Variants in HIGD1C observed in about 807,000 individuals in gnomAD.
HIGD1C encodes the protein HIG1 domain family member 1C.
HIGD1C carries 11 observed loss-of-function variants against 13.1 expected under a neutral mutation model. The ratio of observed to expected loss-of-function variants is 0.84; its 90% CI spans 0.53 to 1.39. The LOEUF (loss-of-function observed/expected upper bound fraction) is 1.39. Among genes scored for constraint, HIGD1C ranks in the 40% most tolerant of loss-of-function variants. The probability of loss-of-function intolerance (pLI) is 0.00; values close to 1 mark genes in which losing one functional copy is unlikely to be tolerated. For missense variants in HIGD1C, 110 were observed against 112.0 expected (o/e 0.98, Z 0.08); for synonymous variants, 36 against 37.7 (o/e 0.95, Z 0.17).
chr12:50,947,416 T>C, the HIGD1C span, among the ~76,000 whole-genome samples: 1 of 152,140 alleles, frequency 6.6e-6, no homozygotes, highest in African/African-American at 2.4e-5. Flanking sequence ...AGAGGCCACC[T>C]TCACTCCTTG....
chr12:50,970,523 G>C, downstream of HIGD1C: 1 of 1,474,028 alleles, frequency 6.8e-7, no homozygotes, highest in Non-Finnish European at 9.3e-7. Flanking sequence ...CATGCTGGAA[G>C]CAAGAAAGAC....
At chr12:50,957,247 G>A (rs1199086554) in intron 1 of HIGD1C, among the ~76,000 whole-genome samples, 1 of 150,586 alleles carries the variant, frequency 6.6e-6, no homozygotes, top group African/African-American at 2.4e-5. Context: ...GTTTCCCTCT[G>A]TCGCCCAGGC....
At chr12:50,952,761 C>T (rs958118056), upstream of HIGD1C, among the ~76,000 whole-genome samples, 1 of 152,224 alleles carries the variant, frequency 6.6e-6, no homozygotes, top group Non-Finnish European at 1.5e-5. Flanking sequence ...ATTCCAACTG[C>T]AGGGAGCGCA....
At chr12:50,967,059 G>T (rs1004000038) in intron 2 of HIGD1C, among the ~76,000 whole-genome samples, 1 of 151,762 alleles carries the variant, frequency 6.6e-6, no homozygotes, top group African/African-American at 2.4e-5. Context: ...GGTTGCAGTA[G>T]GCCAAGATCA....
chr12:50,933,725 T>C, the HIGD1C span, among the ~76,000 whole-genome samples: 1 of 152,248 alleles, frequency 6.6e-6, no homozygotes, highest in African/African-American at 2.4e-5. Flanking sequence ...CAGTTGCCAA[T>C]GGACCCTCAG....
At chr12:50,950,542 C>A (rs549837308), upstream of HIGD1C, among the ~76,000 whole-genome samples, 60 of 152,246 alleles carry the variant, frequency 3.9e-4, no homozygotes, top group Non-Finnish European at 6.0e-4. Flanking sequence ...TTCCCTCTGT[C>A]ACCCAGACTG....
chr12:50,962,844 G>T (rs1479598193), intron 2 of HIGD1C, among the ~76,000 whole-genome samples: 1 of 152,156 alleles, frequency 6.6e-6, no homozygotes, highest in Non-Finnish European at 1.5e-5. Flanking sequence ...AAGCAGAGAA[G>T]GACCTCAGGA....
At chr12:50,968,152 A>G (rs776235177) in intron 2 of HIGD1C, among the ~76,000 whole-genome samples, 1 of 151,400 alleles carries the variant, frequency 6.6e-6, no homozygotes, top group Non-Finnish European at 1.5e-5. Flanking sequence ...AGGAGAAGGG[A>G]TTTATTACAG....
In HIGD1C at chr12:50,963,324, C is replaced by G. The variant is rs149827216; in HGVS notation, c.229+2222C>G. On this transcript the variant is annotated intron_variant, in intron 2 of 2. Transcript: ENST00000398455. ...AGCGGAGGCTGCAGTGAACCAAAAC[C>G]ACGCCACTGCACTCCAGCCTGGGTG... Among the ~76,000 whole-genome samples, 76 of 141,240 alleles carry G rather than the reference C, an allele frequency of 5.4e-4. 3 individuals are homozygous for G. In the East Asian group the frequency reaches 0.016, roughly 30 times the overall value. The allele number at this position is 141,240 out of a possible 152,430, so 92.7% of individuals were successfully genotyped here.
At chr12:50,950,520 T>C (rs890988931), upstream of HIGD1C, among the ~76,000 whole-genome samples, 3 of 152,134 alleles carry the variant, frequency 2.0e-5, no homozygotes, top group Admixed American at 6.6e-5. Flanking sequence ...TTGTTTGTTT[T>C]TGAGATGGAA....
chr12:50,966,329 C>T (rs991419413), intron 2 of HIGD1C, among the ~76,000 whole-genome samples: 2 of 152,190 alleles, frequency 1.3e-5, no homozygotes, highest in African/African-American at 4.8e-5. Context: ...GATAAATTTA[C>T]TCTAACATAC....
At chr12:50,955,050 G>A (rs904508637) in intron 1 of HIGD1C, among the ~76,000 whole-genome samples, 1 of 152,266 alleles carries the variant, frequency 6.6e-6, no homozygotes, top group East Asian at 1.9e-4. Context: ...CCAGCACTTT[G>A]AGAGGCCGAG....
the HIGD1C span, among the ~76,000 whole-genome samples, chr12:50,943,433 G>A: frequency 0.028 from 4,281 of 152,132 alleles, 203 homozygotes; most frequent in African/African-American, 0.099. Context: ...AGTTTAGGCC[G>A]GGTGTGGTGG....
chr12:50,967,337 G>A (rs1459863628), intron 2 of HIGD1C, among the ~76,000 whole-genome samples: 1 of 152,012 alleles, frequency 6.6e-6, no homozygotes, highest in African/African-American at 2.4e-5. Context: ...CGTAGAGGTG[G>A]GATCTCCCTA....
At chr12:50,943,996 C>A in the HIGD1C span, among the ~76,000 whole-genome samples, 1 of 152,134 alleles carries the variant, frequency 6.6e-6, no homozygotes, top group African/African-American at 2.4e-5. Context: ...GCTTATAAAT[C>A]TTGTAATTTA....
chr12:50,939,820 TA>T, the HIGD1C span: 8 of 152,200 alleles, frequency 5.3e-5, 1 homozygote. Context: ...CCTGCTTCCT[TA>T]AGCATTTGTA....
At chr12:50,968,597 T>C (rs564097912) in intron 2 of HIGD1C, among the ~76,000 whole-genome samples, 1 of 152,142 alleles carries the variant, frequency 6.6e-6, no homozygotes, top group East Asian at 1.9e-4. Flanking sequence ...TTGCCCAGGC[T>C]GGAGTGCAAT....
intron 1 of HIGD1C, among the ~76,000 whole-genome samples, chr12:50,957,005 GT>G (rs913822760): frequency 2.0e-5 from 3 of 148,504 alleles, no homozygotes; most frequent in African/African-American, 5.0e-5. Flanking sequence ...TTTTTTTGCT[GT>G]TTTTATGTCT....
chr12:50,941,430 T>C, the HIGD1C span, among the ~76,000 whole-genome samples: 1 of 152,302 alleles, frequency 6.6e-6, no homozygotes, highest in Non-Finnish European at 1.5e-5. Flanking sequence ...TCTATAAACA[T>C]TGGCCTTACG....
Sources: allele counts gnomAD v4.1 joint callset (sites outside exome capture counted in the v4.1 genomes callset), GRCh38; gene constraint gnomAD v4.1.1; transcripts MANE v1.5; gene names NCBI Gene and HGNC (gene_info 2026-07-23, HGNC 2026-07-21).